The following LRRN1 variants were observed in gnomAD, a reference collection of about 807,000 sequenced individuals.
The protein encoded by LRRN1 is leucine-rich repeat neuronal protein 1.
Under a neutral mutation model 45.8 loss-of-function variants are expected in LRRN1, and 14 were observed. The ratio of observed to expected loss-of-function variants is 0.31; its 90% CI spans 0.20 to 0.48. The LOEUF is 0.48. Among genes scored for constraint, LRRN1 ranks in the 20% least tolerant of loss-of-function variants. The pLI is 0.99. For missense variants in LRRN1, 789 were observed against 874.2 expected (o/e 0.90, Z 1.23); for synonymous variants, 359 against 330.1 (o/e 1.09, Z -0.95).
At chr3:3,837,508 C>A (rs1487350694) in intron 1 of LRRN1, among the ~76,000 whole-genome samples, 1 of 152,068 alleles carries the variant, frequency 6.6e-6, no homozygotes, top group Non-Finnish European at 1.5e-5. Flanking sequence ...CCATTTTCTA[C>A]CCTTTCTACA....
Position 3,846,791 on chromosome 3 carries a change from A to G in LRRN1, c.2150A>G (p.Ter717=), listed in dbSNP as rs1559316392. The change falls in exon 2 of 2, where the codon TAA becomes TGA. Residue 717 remains the stop codon, a stop_retained_variant. Coordinates refer to ENST00000319331, the MANE Select transcript of LRRN1 (RefSeq NM_020873.7). This position sits in a 1 kb window ranked among gnomAD's most constrained non-coding sequence, Gnocchi z 5.7. ...ACATCCAGAAGCTATTACATGTGGT[A>G]ACTCAGAGGATATTTTGCTTCTGGT... is the stretch of plus-strand genomic sequence containing the variant. ...VDTSRSYYMW[*] 1.3e-6 allele frequency: 2 copies of G among 1,585,682 alleles called. No individual in the cohort carries two copies. The highest frequency in any genetic ancestry group is 2.7e-5 in the African/African-American group (2 of 73,210).
At chr3:3,842,525 C>A (rs958928889) in intron 1 of LRRN1, among the ~76,000 whole-genome samples, 3 of 151,882 alleles carry the variant, frequency 2.0e-5, no homozygotes, top group Admixed American at 6.6e-5. Flanking sequence ...TTAGTATTGG[C>A]CATTTGTATT....
At chr3:3,834,463 T>C (rs1693441731) in intron 1 of LRRN1, among the ~76,000 whole-genome samples, 1 of 135,840 alleles carries the variant, frequency 7.4e-6, no homozygotes, top group East Asian at 2.2e-4. Context: ...AATATTCTGT[T>C]CCTTTAGAAC....
intron 1 of LRRN1, among the ~76,000 whole-genome samples, chr3:3,810,355 A>C (rs1024719475): frequency 1.4e-4 from 21 of 152,058 alleles, no homozygotes; most frequent in African/African-American, 5.1e-4. Context: ...GCCATGTAAA[A>C]CTCTTAGAAC....
At chr3:3,809,174 G>T (rs1054931848) in intron 1 of LRRN1, among the ~76,000 whole-genome samples, 1 of 151,926 alleles carries the variant, frequency 6.6e-6, no homozygotes, top group South Asian at 2.1e-4. Flanking sequence ...ATGGAGCCTT[G>T]TTTCTGTCGC....
At chr3:3,818,176 G>C (rs1003452527) in intron 1 of LRRN1, among the ~76,000 whole-genome samples, 1 of 152,228 alleles carries the variant, frequency 6.6e-6, no homozygotes, top group African/African-American at 2.4e-5. Flanking sequence ...TTAAACAGAA[G>C]TAATGCAACT....
intron 1 of LRRN1, among the ~76,000 whole-genome samples, chr3:3,835,742 A>G (rs1693496087): frequency 6.6e-6 from 1 of 152,096 alleles, no homozygotes; most frequent in South Asian, 2.1e-4. Flanking sequence ...CTAATATCCT[A>G]TCTGACACAA....
chr3:3,801,682 G>C (rs1004914111), intron 1 of LRRN1, among the ~76,000 whole-genome samples: 1 of 152,158 alleles, frequency 6.6e-6, no homozygotes, highest in African/African-American at 2.4e-5. Flanking sequence ...TTCTGTTTGG[G>C]AATTCCATGG....
chr3:3,815,706 C>T (rs1292154926), intron 1 of LRRN1, among the ~76,000 whole-genome samples: 1 of 152,120 alleles, frequency 6.6e-6, no homozygotes, highest in Non-Finnish European at 1.5e-5. Flanking sequence ...TCATTATCCT[C>T]AATTAAATGT....
At chr3:3,843,578 C>A (rs146290529) in intron 1 of LRRN1, among the ~76,000 whole-genome samples, 269 of 151,940 alleles carry the variant, frequency 1.8e-3, no homozygotes, top group African/African-American at 5.9e-3. Context: ...TACCCCCCCC[C>A]ATACCCCTGG....
chr3:3,821,627 G>A (rs929752559), intron 1 of LRRN1, among the ~76,000 whole-genome samples: 23 of 152,076 alleles, frequency 1.5e-4, no homozygotes, highest in Non-Finnish European at 3.2e-4. Context: ...GATCTCTTTT[G>A]CCTTTCAACT....
intron 1 of LRRN1, among the ~76,000 whole-genome samples, chr3:3,843,992 C>T (rs983282636): frequency 2.0e-5 from 3 of 152,096 alleles, no homozygotes; most frequent in African/African-American, 7.2e-5. Context: ...AAAGAAAAGA[C>T]ATCTGCAGGC....
rs901223221 is a variant in LRRN1 at position 3,848,903 on chromosome 3, G to C, written c.*2111G>C. 1.3e-5 allele frequency among the ~76,000 whole-genome samples: 2 copies of C among 152,196 alleles called. No individual in the cohort carries two copies. The highest frequency in any genetic ancestry group is 4.8e-5 in the African/African-American group (2 of 41,454). ...CATCCTCAAGTTCCCATTTACTCAGGATACATTTTAGCACAGGGCAGATCA... is the reference window on the plus strand; with the variant it reads ...CATCCTCAAGTTCCCATTTACTCAGCATACATTTTAGCACAGGGCAGATCA... On this transcript the variant is annotated 3_prime_UTR_variant, in exon 2 of 2. Coordinates refer to ENST00000319331, the MANE Select transcript of LRRN1 (RefSeq NM_020873.7).
At chr3:3,843,601 A>G in intron 1 of LRRN1, among the ~76,000 whole-genome samples, 1 of 150,078 alleles carries the variant, frequency 6.7e-6, no homozygotes, top group East Asian at 2.0e-4. Context: ...ATAGGCAACT[A>G]CTAAATTACT....
At position 3,844,743 on chromosome 3, in the gene LRRN1, A is replaced by T; in HGVS notation, c.102A>T (p.Gln34His). 1.2e-6 allele frequency: 2 copies of T among 1,614,120 alleles called. No homozygotes were observed. Among genetic ancestry groups the T allele is most frequent in the Non-Finnish European group, 1.7e-6 (2 of 1,180,004 alleles). Residue 34 changes from glutamine to histidine, a missense_variant, in exon 2 of 2, where the codon CAA becomes CAT. Physicochemically the swap from Gln to His is conservative, Grantham distance 24. Coordinates refer to ENST00000319331, the MANE Select transcript of LRRN1 (RefSeq NM_020873.7). ...CCATACAGAATAGTGAGTGTCCACA[A>T]CTTTGCGTATGTGAAATTCGTCCCT... Reference protein sequence around the residue: ...ESSIQNSECPQLCVCEIRPWF... With the variant: ...ESSIQNSECPHLCVCEIRPWF...
intron 1 of LRRN1, among the ~76,000 whole-genome samples, chr3:3,820,563 C>G (rs1328577741): frequency 6.6e-6 from 1 of 152,198 alleles, no homozygotes; most frequent in Non-Finnish European, 1.5e-5. Context: ...TGATGGAAAC[C>G]TTTGCTTGCT....
chr3:3,810,646 G>T (rs1480668235), intron 1 of LRRN1, among the ~76,000 whole-genome samples: 1 of 152,190 alleles, frequency 6.6e-6, no homozygotes, highest in African/African-American at 2.4e-5. Context: ...GATTCAGGCT[G>T]CAGTGATTCC....
intron 1 of LRRN1, among the ~76,000 whole-genome samples, chr3:3,811,280 T>C (rs1225199618): frequency 6.6e-6 from 1 of 152,226 alleles, no homozygotes; most frequent in Non-Finnish European, 1.5e-5. Context: ...TTAGTCACAT[T>C]GTCCTTGATC....
chr3:3,812,411 A>AGATCTTT (rs1193908904), intron 1 of LRRN1, among the ~76,000 whole-genome samples: 1 of 152,198 alleles, frequency 6.6e-6, no homozygotes, highest in South Asian at 2.1e-4. Context: ...TGGAGAGGGA[A>AGATCTTT]GATCTTTGTA....
Sources: gnomAD v4.1 joint callset for allele counts (sites outside exome capture counted in the v4.1 genomes callset) on GRCh38, gnomAD v4.1.1 for gene constraint, Gnocchi (gnomAD v3.1) non-coding constraint, MANE v1.5 for transcripts, NCBI Gene and HGNC (gene_info 2026-07-23, HGNC 2026-07-21) for gene names.